The following CTSF variants were observed in gnomAD, a reference collection of about 807,000 sequenced individuals.
The protein encoded by CTSF is cathepsin F.
CTSF carries 65 observed loss-of-function variants against 63.5 expected under a neutral mutation model. The ratio of observed to expected loss-of-function variants is 1.02; its 90% CI spans 0.84 to 1.26. The LOEUF (loss-of-function observed/expected upper bound fraction) is 1.26, where lower values mean the gene tolerates loss of function less well. Ranked by LOEUF, CTSF falls within the 50% of genes most tolerant of loss-of-function variation. CTSF has a pLI of 0.00. For missense variants in CTSF, 641 were observed against 631.0 expected (o/e 1.02, Z -0.17); for synonymous variants, 256 against 258.1 (o/e 0.99, Z 0.08).
chr11:66,567,963 C>T (rs750611107), intron 2 of CTSF, 21 bp downstream of exon 2: 1 of 1,577,734 alleles, frequency 6.3e-7, no homozygotes, highest in Non-Finnish European at 8.6e-7. Flanking sequence ...GGCGGGGAAC[C>T]CCAAGAGCCT....
In CTSF at chr11:66,564,166, G is replaced by A. The variant is rs772207393; in HGVS notation, c.1322-20C>T. The A allele has an allele frequency of 1.8e-5, 29 of 1,603,898 alleles. No individual in the cohort carries two copies. Among genetic ancestry groups the A allele is most frequent in the African/African-American group, 5.3e-5 (4 of 74,946 alleles). On this transcript the variant is annotated intron_variant, in intron 11 of 12. Transcript: ENST00000310325. ...CAGAGCCTGGGGTGCAGTGCAGAGC[G>A]CAAGGATCAGGGTCCTTAATTCTCC... is the stretch of plus-strand genomic sequence containing the variant.
Position 66,565,729 on chromosome 11 carries a change from C to T in CTSF, c.987G>A (p.Met329Ile), listed in dbSNP as rs1857914162. 14 of 1,613,760 alleles carry T rather than the reference C, an allele frequency of 8.7e-6. No homozygotes were observed. Among genetic ancestry groups the T allele is most frequent in the Non-Finnish European group, 1.1e-5 (13 of 1,180,062 alleles). The part of the protein sequence containing the change: ...SEQELLDCDK[M>I]DKACMGGLPS... The stretch of plus-strand genomic sequence containing the variant: ...GCAAGCCGCCCATGCAGGCCTTGTC[C>T]ATCTTGTCACAGTCCAAGAGCTCTA... Residue 329 changes from methionine to isoleucine, a missense_variant, in exon 8 of 13, where the codon ATG becomes ATA. By Grantham distance (10) the Met-to-Ile change is conservative. Transcript: ENST00000310325.
At chr11:66,564,715 G>A (rs1857889461) in intron 10 of CTSF, 27 bp downstream of exon 10, 2 of 1,613,498 alleles carry the variant, frequency 1.2e-6, no homozygotes, top group Non-Finnish European at 1.7e-6. Flanking sequence ...AAGAGATGGG[G>A]CAGGGGCAGT....
chr11:66,568,497 A>G lies in CTSF; in HGVS notation c.-11T>C. The G allele has an allele frequency of 6.8e-7, 1 of 1,480,694 alleles. No individual in the cohort carries two copies. The highest frequency in any genetic ancestry group is 8.9e-7 in the Non-Finnish European group (1 of 1,123,076). 91.7% of individuals were successfully genotyped at this position (1,480,694 alleles called of 1,614,324 possible). A position where few individuals can be genotyped will look rare whatever the true frequency, so the allele number is the denominator to read the frequency against. ...CAGCCAGGGCGCCATGGCGAGGGCG[A>G]AGCCGGCGGCCCGGACCCAACAGAC... is the stretch of plus-strand genomic sequence containing the variant. On this transcript the variant is annotated 5_prime_UTR_variant, in exon 1 of 13. Transcript: ENST00000310325.
At chr11:66,565,957 A>T in intron 6 of CTSF, 30 bp from the exon 7 acceptor site, 1 of 1,614,140 alleles carries the variant, frequency 6.2e-7, no homozygotes, top group South Asian at 1.1e-5. Flanking sequence ...TTGGAGTCAG[A>T]GCCGGGCCCC....
In CTSF at chr11:66,566,386, G is replaced by T; in HGVS notation, c.626C>A (p.Ser209Tyr). The T allele has an allele frequency of 6.2e-7, 1 of 1,614,008 alleles. No individual in the cohort carries two copies. The highest frequency in any genetic ancestry group is 1.1e-5 in the South Asian group (1 of 91,072). The change falls in exon 5 of 13, where the codon TCC (serine) becomes TAC (tyrosine). Residue 209 changes from serine (S) to tyrosine (Y), a missense_variant. Transcript: ENST00000310325. ...ESKEEARWRL[S>Y]VFVNNMVRAQ... ...TCGCACCATGTTATTGACAAAGACGGACAGGCGCCACCGGGCTTCTGAGGA... is the reference window on the plus strand; with the variant it reads ...TCGCACCATGTTATTGACAAAGACGTACAGGCGCCACCGGGCTTCTGAGGA...
In CTSF at chr11:66,564,170, G is replaced by A. The variant is rs1033685612; in HGVS notation, c.1322-24C>T. 8 of 1,602,736 alleles carry A rather than the reference G, an allele frequency of 5.0e-6. No individual in the cohort carries two copies. In the African/African-American group the frequency reaches 6.7e-5, roughly 13 times the overall value. Reference sequence around the variant, plus strand: ...GCCTGGGGTGCAGTGCAGAGCGCAAGGATCAGGGTCCTTAATTCTCCAGGC... The same window carrying A: ...GCCTGGGGTGCAGTGCAGAGCGCAAAGATCAGGGTCCTTAATTCTCCAGGC... On this transcript the variant is annotated intron_variant, in intron 11 of 12. Transcript: ENST00000310325.
Position 66,567,323 on chromosome 11 carries a change from T to G in CTSF, c.532-2A>C. On this transcript the variant is annotated splice_acceptor_variant, in intron 3 of 12. Transcript: ENST00000310325. LOFTEE classifies it high-confidence loss of function. ...TGAAGCCATCTTCACAGGCAAGTCC[T>G]GGATAGGCAGACCAGTCTTTAGGCT... The G allele has an allele frequency of 6.2e-7, 1 of 1,614,192 alleles. No individual in the cohort carries two copies. The highest frequency in any genetic ancestry group is 8.5e-7 in the Non-Finnish European group (1 of 1,180,020).
At position 66,567,971 on chromosome 11, in the gene CTSF, C is replaced by T. The variant is rs201214771; in HGVS notation, c.312+13G>A. On this transcript the variant is annotated intron_variant, in intron 2 of 12. Coordinates refer to ENST00000310325, the MANE Select transcript of CTSF (RefSeq NM_003793.4). ...GCCTCGGGGCGGGGAACCCCAAGAGCCTCATCACTCACCAGGGTTTTCTTG... is the reference window on the plus strand; with the variant it reads ...GCCTCGGGGCGGGGAACCCCAAGAGTCTCATCACTCACCAGGGTTTTCTTG... 6.3e-7 allele frequency: 1 copy of T among 1,584,042 alleles called. No homozygotes were observed. The highest frequency in any genetic ancestry group is 2.3e-5 in the East Asian group (1 of 44,358).
chr11:66,567,343 T>C, intron 3 of CTSF, 22 bp from the exon 4 acceptor site: 2 of 1,614,096 alleles, frequency 1.2e-6, no homozygotes, highest in Non-Finnish European at 8.5e-7. Flanking sequence ...GACCAGTCTT[T>C]AGGCTGACCA....
chr11:66,567,236 G>C lies in CTSF; in HGVS notation c.607+10C>G. 3.1e-6 allele frequency: 5 copies of C among 1,614,086 alleles called. No individual in the cohort carries two copies. The highest frequency in any genetic ancestry group is 4.2e-6 in the Non-Finnish European group (5 of 1,179,930). ...GATAGGAACAGGTACAGCCAAGGCT[G>C]GGTCCTCACCTTCCTTTGACTCATA... On this transcript the variant is annotated intron_variant, in intron 4 of 12. Transcript: ENST00000310325.
intron 11 of CTSF, 122 bp downstream of exon 11, chr11:66,564,436 G>T: frequency 1.1e-6 from 1 of 950,408 alleles, no homozygotes; most frequent in Non-Finnish European, 1.5e-6. Flanking sequence ...TCATGGCCCA[G>T]GCAGTGGGTA....
chr11:66,565,989 C>A, intron 6 of CTSF, 33 bp downstream of exon 6: 1 of 1,614,070 alleles, frequency 6.2e-7, no homozygotes, highest in Non-Finnish European at 8.5e-7. Context: ...CAGTGCAGTG[C>A]CCATGTCCCA....
At chr11:66,565,251 T>C (rs941725768) in intron 8 of CTSF, among the ~76,000 whole-genome samples, 14 of 152,142 alleles carry the variant, frequency 9.2e-5, no homozygotes, top group African/African-American at 3.1e-4. Context: ...TTCTGACTCC[T>C]CACCAAGAGC....
chr11:66,566,012 G>C lies in CTSF; in HGVS notation c.867+10C>G. The C allele has an allele frequency of 1.2e-6, 2 of 1,614,132 alleles. No homozygotes were observed. The highest frequency in any genetic ancestry group is 1.1e-5 in the South Asian group (1 of 91,086). On this transcript the variant is annotated intron_variant, in intron 6 of 12. Transcript: ENST00000310325. ...TGCCCATGTCCCACCCTCACTTCCA[G>C]GGGTCCAACCTGGTCTTTGACTTTT...
At chr11:66,564,389 T>C in intron 11 of CTSF, 169 bp downstream of exon 11, 1 of 780,888 alleles carries the variant, frequency 1.3e-6, no homozygotes, top group East Asian at 2.7e-5. Context: ...ACAGCTCAGC[T>C]TCCCTGCCAT....
rs183697819 is a variant in CTSF, at chr11:66,567,141, C to T, written c.607+105G>A. 1.0e-3 allele frequency: 1,210 copies of T among 1,189,730 alleles called. 6 individuals are homozygous for T. In the Middle Eastern group the frequency reaches 0.025, roughly 25 times the overall value. 73.7% of individuals were successfully genotyped at this position (1,189,730 alleles called of 1,614,324 possible). ...GCTCAGGAATTATGGGGTCCTTGAACAGGTACACTGCCTCTTGTCTTTCTC... is the reference window on the plus strand; with the variant it reads ...GCTCAGGAATTATGGGGTCCTTGAATAGGTACACTGCCTCTTGTCTTTCTC... On this transcript the variant is annotated intron_variant, in intron 4 of 12. Transcript: ENST00000310325.
chr11:66,564,455 G>A (rs1481410320), intron 11 of CTSF, 103 bp downstream of exon 11: 7 of 1,099,492 alleles, frequency 6.4e-6, no homozygotes, highest in Admixed American at 5.0e-5. Context: ...TAAGGACAGG[G>A]TTCCTAGGCA....
Position 66,568,365 on chromosome 11 carries a change from G to A in CTSF, c.122C>T (p.Ala41Val), listed in dbSNP as rs1209428393. 2 of 1,303,604 alleles carry A rather than the reference G, an allele frequency of 1.5e-6. No individual in the cohort carries two copies. The highest frequency in any genetic ancestry group is 1.9e-6 in the Non-Finnish European group (2 of 1,034,326). 80.8% of individuals were successfully genotyped at this position (1,303,604 alleles called of 1,614,324 possible). A position where few individuals can be genotyped will look rare whatever the true frequency, so the allele number is the denominator to read the frequency against. The change falls in exon 1 of 13, where the codon GCG becomes GTG. Residue 41 changes from alanine (A) to valine (V), a missense_variant. Ala to Val is a moderately conservative substitution (Grantham distance 64). Transcript: ENST00000310325. ...AWGPPSPELLAPTRFALEMFN... is the reference protein window; with the variant it reads ...AWGPPSPELLVPTRFALEMFN... ...CATCTCCAGCGCGAAGCGGGTGGGC[G>A]CCAGCAGCTCCGGGGACGGCGGCCC...
Sources: gnomAD v4.1 joint callset for allele counts (sites outside exome capture counted in the v4.1 genomes callset) on GRCh38, gnomAD v4.1.1 for gene constraint, MANE v1.5 for transcripts, NCBI Gene and HGNC (gene_info 2026-07-23, HGNC 2026-07-21) for gene names.